The following FRMD4A variants were observed in gnomAD, a reference collection of about 807,000 sequenced individuals.
The protein encoded by FRMD4A is FERM domain-containing protein 4A.
Under a neutral mutation model 129.1 loss-of-function variants are expected in FRMD4A, and 29 were observed. The ratio of observed to expected loss-of-function variants is 0.22; its 90% confidence interval spans 0.17 to 0.31. The LOEUF (loss-of-function observed/expected upper bound fraction) is 0.31, where lower values mean the gene tolerates loss of function less well. Among genes scored for constraint, FRMD4A ranks in the 10% least tolerant of loss-of-function variants. The pLI, the probability that FRMD4A is intolerant of heterozygous loss-of-function variation, is 1.00. For synonymous variants in FRMD4A, 634 were observed against 571.6 expected, an observed-to-expected ratio of 1.11 and a Z score of -1.56; for missense variants, 1,272 against 1,375.8, an observed-to-expected ratio of 0.92 and a Z score of 1.19.
chr10:14,223,746 GAAAAAAAA>G lies in FRMD4A; in HGVS notation c.45+106304_45+106311del, dbSNP rs1160672002. On this transcript the variant is annotated intron_variant, in intron 2 of 24. Transcript: ENST00000357447. ...ACAGAGCAAGACCATGTCTCAAAATGAAAAAAAAAAAAAAAAAAGAGAGAGAGAGAGAG... is the reference window on the plus strand; with the variant it reads ...ACAGAGCAAGACCATGTCTCAAAATGAAAAAAAAAAGAGAGAGAGAGAGAG... Among the ~76,000 whole-genome samples the G allele has an allele frequency of 6.3e-5, 4 of 63,242 alleles. No homozygotes were observed. The East Asian group carries it at 2.0e-3, about 32-fold the overall frequency. The allele number at this position is 63,242 out of a possible 152,430, so 41.5% of individuals were successfully genotyped here. A position where few individuals can be genotyped will look rare whatever the true frequency, so the allele number is the denominator to read the frequency against.
At chr10:14,086,725 T>G (rs773387536) in intron 2 of FRMD4A, among the ~76,000 whole-genome samples, 32 of 151,884 alleles carry the variant, frequency 2.1e-4, no homozygotes, top group Admixed American at 5.9e-4. Flanking sequence ...AATGTATGGG[T>G]TTTTTTTGTT....
At chr10:14,008,351 G>A (rs1384341424) in intron 2 of FRMD4A, 1 of 1,027,680 alleles carries the variant, frequency 9.7e-7, no homozygotes, top group African/African-American at 1.7e-5. Flanking sequence ...AGGGGGGATG[G>A]GAAGAAAGAA....
intron 2 of FRMD4A, among the ~76,000 whole-genome samples, chr10:14,090,329 A>C (rs2131750735): frequency 6.6e-6 from 1 of 152,350 alleles, no homozygotes; most frequent in Non-Finnish European, 1.5e-5. Context: ...ACTTGGAAAC[A>C]GGAAGAGAAG....
chr10:14,248,458 C>T (rs1844323170), intron 2 of FRMD4A, among the ~76,000 whole-genome samples: 1 of 126,620 alleles, frequency 7.9e-6, no homozygotes, highest in South Asian at 3.2e-4. Flanking sequence ...TCTCTAGAGC[C>T]AATTTTAGAG....
intron 2 of FRMD4A, among the ~76,000 whole-genome samples, chr10:14,164,438 C>A (rs1027266703): frequency 3.9e-5 from 6 of 152,192 alleles, no homozygotes; most frequent in Admixed American, 1.3e-4. Context: ...TGTGCGGTGT[C>A]TACAGTAAGG....
chr10:14,074,056 A>G (rs1380737001), intron 2 of FRMD4A, among the ~76,000 whole-genome samples: 3 of 152,220 alleles, frequency 2.0e-5, no homozygotes. Context: ...GGCTGAACAG[A>G]GCTGAGATCG....
At chr10:14,206,699 C>T (rs770198063) in intron 2 of FRMD4A, among the ~76,000 whole-genome samples, 4 of 149,418 alleles carry the variant, frequency 2.7e-5, no homozygotes, top group Non-Finnish European at 5.9e-5. Flanking sequence ...CCCAGCTACT[C>T]GGAAGGCTGA....
intron 2 of FRMD4A, among the ~76,000 whole-genome samples, chr10:13,961,486 A>C (rs572957984): frequency 6.6e-6 from 1 of 152,186 alleles, no homozygotes; most frequent in African/African-American, 2.4e-5. Context: ...GATTTTAAAC[A>C]CACGATGCTT....
At chr10:14,158,534 C>T (rs959531444) in intron 2 of FRMD4A, among the ~76,000 whole-genome samples, 17 of 151,984 alleles carry the variant, frequency 1.1e-4, no homozygotes, top group Admixed American at 1.1e-3. Context: ...ATCGCTTGAG[C>T]CCAGGAGTTA....
At chr10:13,774,389 C>T (rs2092544585) in intron 6 of FRMD4A, among the ~76,000 whole-genome samples, 1 of 152,148 alleles carries the variant, frequency 6.6e-6, no homozygotes, top group African/African-American at 2.4e-5. Context: ...AACACCTTTC[C>T]TCGCCTTTCT....
rs1273812409 is a variant in FRMD4A, at chr10:14,185,420, A to AGGAGAGCTAGT, written c.45+144627_45+144637dup. Among the ~76,000 whole-genome samples, 3 of 152,364 alleles carry AGGAGAGCTAGT rather than the reference A, an allele frequency of 2.0e-5. No homozygotes were observed. The East Asian group carries it at 5.8e-4, about 29-fold the overall frequency. On this transcript the variant is annotated intron_variant, in intron 2 of 24. Transcript: ENST00000357447. Reference sequence around the variant, plus strand: ...GAAAAAATCTACCACCCTAAGCGTAAGGAGAGCTAGTACAGATGAGGATGT... The same window carrying AGGAGAGCTAGT: ...GAAAAAATCTACCACCCTAAGCGTAAGGAGAGCTAGTGGAGAGCTAGTACAGATGAGGATGT...
At chr10:13,767,604 G>A (rs1219379099) in intron 6 of FRMD4A, among the ~76,000 whole-genome samples, 3 of 152,210 alleles carry the variant, frequency 2.0e-5, no homozygotes, top group East Asian at 1.9e-4. Flanking sequence ...ACCACACAGA[G>A]TGTGCAAAAA....
intron 7 of FRMD4A, among the ~76,000 whole-genome samples, 195 bp from the exon 8 acceptor site, chr10:13,761,864 C>T (rs17153950): frequency 0.016 from 2,446 of 152,282 alleles, 83 homozygotes; most frequent in South Asian, 0.12. Context: ...AAATATGAAA[C>T]TAAACTCTAG....
chr10:14,009,814 C>CA (rs10691331), intron 2 of FRMD4A, among the ~76,000 whole-genome samples: 2 of 151,758 alleles, frequency 1.3e-5, no homozygotes, highest in African/African-American at 2.4e-5. Flanking sequence ...GTGAGAGAGA[C>CA]GGGGAGACGG....
In FRMD4A at chr10:13,785,653, G is replaced by C. The variant is rs190836405; in HGVS notation, c.300-2647C>G. 1.5e-3 allele frequency among the ~76,000 whole-genome samples: 229 copies of C among 151,804 alleles called. 2 individuals are homozygous for C. The highest frequency in any genetic ancestry group is 5.3e-3 in the African/African-American group (218 of 41,348). Reference sequence around the variant, plus strand: ...ATTTTTTATTACACTTTAAGTTCTAGGGTACACATGCACAACGTGCAGGTT... The same window carrying C: ...ATTTTTTATTACACTTTAAGTTCTACGGTACACATGCACAACGTGCAGGTT... On this transcript the variant is annotated intron_variant, in intron 5 of 24. Transcript: ENST00000357447.
chr10:14,245,488 A>G (rs1844200885), intron 2 of FRMD4A, among the ~76,000 whole-genome samples: 1 of 152,168 alleles, frequency 6.6e-6, no homozygotes, highest in Non-Finnish European at 1.5e-5. Flanking sequence ...AAGCTGCTCA[A>G]GTCCTGTTGT....
intron 2 of FRMD4A, among the ~76,000 whole-genome samples, chr10:13,967,192 C>A (rs2095490650): frequency 6.6e-6 from 1 of 152,192 alleles, no homozygotes; most frequent in African/African-American, 2.4e-5. Flanking sequence ...AAAAAATTAG[C>A]CAGGCTTGGT....
At chr10:14,190,996 C>A (rs927566773) in intron 2 of FRMD4A, among the ~76,000 whole-genome samples, 2 of 152,172 alleles carry the variant, frequency 1.3e-5, no homozygotes, top group South Asian at 2.1e-4. Flanking sequence ...TCCGTGCAGA[C>A]CCCAGTCAGC....
In FRMD4A at chr10:13,654,400, T is replaced by C. The variant is rs377377541; in HGVS notation, c.3050+16A>G. ...TTTCGAGCTGACACAGTGAAGAACA[T>C]AGAAGGAGAACTCACCCAGTCTGCC... On this transcript the variant is annotated intron_variant, in intron 23 of 24. Transcript: ENST00000357447. The C allele has an allele frequency of 3.3e-6, 5 of 1,528,552 alleles. No individual in the cohort carries two copies. The highest frequency in any genetic ancestry group is 1.7e-5 in the Admixed American group (1 of 59,906). The allele number at this position is 1,528,552 out of a possible 1,614,324, so 94.7% of individuals were successfully genotyped here.
Sources: gnomAD v4.1 joint callset for allele counts (sites outside exome capture counted in the v4.1 genomes callset) on GRCh38, gnomAD v4.1.1 for gene constraint, MANE v1.5 for transcripts, NCBI Gene and HGNC (gene_info 2026-07-23, HGNC 2026-07-21) for gene names.